The following PARD6G variants were observed in gnomAD, a reference collection of about 807,000 sequenced individuals.
The protein encoded by PARD6G is par-6 family cell polarity regulator gamma.
A neutral mutation model predicts 10.7 loss-of-function variants in PARD6G; 7 were observed. The observed-to-expected ratio is 0.66, with a 90% CI of 0.37 to 1.23. The LOEUF is 1.23. Among genes scored for constraint, PARD6G ranks in the 50% most tolerant of loss-of-function variants. PARD6G has a pLI of 0.02. For missense variants in PARD6G, 548 were observed against 571.8 expected (o/e 0.96, Z 0.42); for synonymous variants, 287 against 269.4 (o/e 1.07, Z -0.64).
chr18:80,209,437 C>T (rs181610599), intron 1 of PARD6G, among the ~76,000 whole-genome samples: 172 of 152,134 alleles, frequency 1.1e-3, no homozygotes, highest in Middle Eastern at 3.4e-3. Context: ...TAGTAAAAAA[C>T]GGGGTTGGGG....
chr18:80,223,250 GA>G (rs145765235), intron 1 of PARD6G, among the ~76,000 whole-genome samples: 3,907 of 151,480 alleles, frequency 0.026, 161 homozygotes, highest in African/African-American at 0.09. Flanking sequence ...AACCACAAAA[GA>G]AAAAAAAGAT....
rs1483270754 is a variant in PARD6G, at chr18:80,228,940, G to C, written c.72+18337C>G. On this transcript the variant is annotated intron_variant, in intron 1 of 2. Coordinates refer to ENST00000353265, the MANE Select transcript of PARD6G (RefSeq NM_032510.4). The surrounding 1 kb of genome is among the most constrained non-coding windows in gnomAD (Gnocchi z 4.6). The stretch of plus-strand genomic sequence containing the variant: ...GATATGATGAAGCTAACAGAAGTGG[G>C]ACTTATTTTATTTTAGAAGACGGAG... Among the ~76,000 whole-genome samples, 1 of 152,142 alleles carries C rather than the reference G, an allele frequency of 6.6e-6. No individual in the cohort carries two copies. The highest frequency in any genetic ancestry group is 6.5e-5 in the Admixed American group (1 of 15,270).
At chr18:80,229,383 A>G (rs534519785) in intron 1 of PARD6G, among the ~76,000 whole-genome samples, 2 of 152,392 alleles carry the variant, frequency 1.3e-5, no homozygotes, top group East Asian at 3.9e-4. Flanking sequence ...AACAGAGCAG[A>G]TGGGCAAGGC....
chr18:80,221,572 A>G (rs1967229972), intron 1 of PARD6G, among the ~76,000 whole-genome samples: 1 of 152,230 alleles, frequency 6.6e-6, no homozygotes. Flanking sequence ...CATAGAGAAT[A>G]TCTATGAAAA....
chr18:80,159,664 G>A lies in PARD6G; in HGVS notation c.*107C>T, dbSNP rs545986880. 4 of 1,307,006 alleles carry A rather than the reference G, an allele frequency of 3.1e-6. No individual in the cohort carries two copies. The African/African-American group carries it at 6.2e-5, about 20-fold the overall frequency. 81.0% of individuals were successfully genotyped at this position (1,307,006 alleles called of 1,614,324 possible). Reference sequence around the variant, plus strand: ...GGAAGTTGAAACAAAGAGCAGCGTTGTTTTTGTGGTCACAAAAACAACAAA... The same window carrying A: ...GGAAGTTGAAACAAAGAGCAGCGTTATTTTTGTGGTCACAAAAACAACAAA... On this transcript the variant is annotated 3_prime_UTR_variant, in exon 3 of 3. Transcript: ENST00000353265.
rs766287912 is a variant in PARD6G, at chr18:80,160,611, G to A, written c.296-5C>T. The A allele has an allele frequency of 3.0e-5, 43 of 1,440,562 alleles. No homozygotes were observed. The Middle Eastern group carries it at 1.6e-3, about 55-fold the overall frequency. The allele number at this position is 1,440,562 out of a possible 1,614,324, so 89.2% of individuals were successfully genotyped here. A position where few individuals can be genotyped will look rare whatever the true frequency, so the allele number is the denominator to read the frequency against. On this transcript the variant is annotated splice_polypyrimidine_tract_variant and splice_region_variant and intron_variant, in intron 2 of 2. Coordinates refer to ENST00000353265, the MANE Select transcript of PARD6G (RefSeq NM_032510.4). ...GGCTGCCACGCTCGGCCTCCTCTGCGGGAGAGGGGACAGTTAGAGGGGACA... is the reference window on the plus strand; with the variant it reads ...GGCTGCCACGCTCGGCCTCCTCTGCAGGAGAGGGGACAGTTAGAGGGGACA...
chr18:80,186,192 TCACA>T (rs1230398748), intron 2 of PARD6G, among the ~76,000 whole-genome samples: 1 of 118,442 alleles, frequency 8.4e-6, no homozygotes, highest in Non-Finnish European at 1.7e-5. Flanking sequence ...ACATGCACCC[TCACA>T]CACGCATATA....
chr18:80,191,408 G>C (rs1966895544), intron 2 of PARD6G, among the ~76,000 whole-genome samples: 1 of 152,106 alleles, frequency 6.6e-6, no homozygotes, highest in Non-Finnish European at 1.5e-5. Flanking sequence ...TATCAACCTA[G>C]AGGAAAACGC....
Position 80,183,350 on chromosome 18 carries a change from GTCT to G in PARD6G, c.295+19357_295+19359del, listed in dbSNP as rs2052857470. Among the ~76,000 whole-genome samples the G allele has an allele frequency of 1.3e-5, 2 of 152,142 alleles. No individual in the cohort carries two copies. Among genetic ancestry groups the G allele is most frequent in the African/African-American group, 4.8e-5 (2 of 41,428 alleles). ...GAAAGACAAAAAACCACCAGCATCC[GTCT>G]TCTTCCTTTCCAGCCAGACAACTCT... is the stretch of plus-strand genomic sequence containing the variant. On this transcript the variant is annotated intron_variant, in intron 2 of 2. Transcript: ENST00000353265. The surrounding 1 kb of genome is among the most constrained non-coding windows in gnomAD (Gnocchi z 4.5).
intron 1 of PARD6G, among the ~76,000 whole-genome samples, chr18:80,225,162 C>T (rs531724593): frequency 2.6e-5 from 4 of 152,296 alleles, no homozygotes; most frequent in East Asian, 3.9e-4. Flanking sequence ...AGTCTACGCA[C>T]GAAGCAGCCA....
chr18:80,194,279 G>C (rs1411365111), intron 2 of PARD6G, among the ~76,000 whole-genome samples: 2 of 152,172 alleles, frequency 1.3e-5, no homozygotes, highest in African/African-American at 2.4e-5. Flanking sequence ...ATTAGTGTGA[G>C]GTGCGTGCCT....
chr18:80,189,188 G>C lies in PARD6G; in HGVS notation c.295+13522C>G, dbSNP rs1341127858. On this transcript the variant is annotated intron_variant, in intron 2 of 2. Coordinates refer to ENST00000353265, the MANE Select transcript of PARD6G (RefSeq NM_032510.4). This position sits in a 1 kb window ranked among gnomAD's most constrained non-coding sequence, Gnocchi z 5.5. ...CCGTTGGCAGAAAAGCCCATATTTA[G>C]AGCAGACCTCCTTCAGCAATTCCCA... 1 of 152,288 alleles carries C rather than the reference G, an allele frequency of 6.6e-6. No individual in the cohort carries two copies. The highest frequency in any genetic ancestry group is 2.4e-5 in the African/African-American group (1 of 41,460). 9.4% of individuals were successfully genotyped at this position (152,288 alleles called of 1,614,324 possible).
In PARD6G at chr18:80,200,031, A is replaced by C. The variant is rs562425464; in HGVS notation, c.295+2679T>G. ...TGCTGACTTTTCCTCTGTGATAGTA[A>C]ATTCCCTCTTAACATATATTTAAAT... On this transcript the variant is annotated intron_variant, in intron 2 of 2. Coordinates refer to ENST00000353265, the MANE Select transcript of PARD6G (RefSeq NM_032510.4). The surrounding 1 kb of genome is among the most constrained non-coding windows in gnomAD (Gnocchi z 4.4). 6.6e-6 allele frequency among the ~76,000 whole-genome samples: 1 copy of C among 152,312 alleles called. No individual in the cohort carries two copies. The highest frequency in any genetic ancestry group is 6.5e-5 in the Admixed American group (1 of 15,304).
In PARD6G at chr18:80,189,982, T is replaced by C. The variant is rs889931418; in HGVS notation, c.295+12728A>G. On this transcript the variant is annotated intron_variant, in intron 2 of 2. Transcript: ENST00000353265. This position sits in a 1 kb window ranked among gnomAD's most constrained non-coding sequence, Gnocchi z 5.5. ...TGTGTAACCACCACCACCACCTAAT[T>C]CTGGAACACTTCATCACCCCAAAAA... 9.2e-5 allele frequency among the ~76,000 whole-genome samples: 14 copies of C among 152,156 alleles called. No individual in the cohort carries two copies. The highest frequency in any genetic ancestry group is 8.5e-4 in the Admixed American group (13 of 15,274).
chr18:80,239,743 A>T (rs149866406), intron 1 of PARD6G, among the ~76,000 whole-genome samples: 1 of 152,374 alleles, frequency 6.6e-6, no homozygotes, highest in African/African-American at 2.4e-5. Flanking sequence ...CTACAGCACT[A>T]GTGCCACTTA....
chr18:80,164,666 G>A (rs775620523), intron 2 of PARD6G, among the ~76,000 whole-genome samples: 62 of 152,212 alleles, frequency 4.1e-4, no homozygotes, highest in Admixed American at 1.6e-3. Flanking sequence ...ATATTTCAAC[G>A]TAGGTTCTAT....
intron 1 of PARD6G, among the ~76,000 whole-genome samples, chr18:80,244,329 G>C (rs1187392348): frequency 1.3e-5 from 2 of 152,112 alleles, no homozygotes; most frequent in Admixed American, 1.3e-4. Flanking sequence ...AGGAACAGAT[G>C]AATCACTGGA....
rs867498091 is a variant in PARD6G, at chr18:80,211,347, C to G, written c.73-8415G>C. Among the ~76,000 whole-genome samples the G allele has an allele frequency of 2.1e-4, 32 of 152,284 alleles. 1 individual carries two copies. The Middle Eastern group carries it at 0.014, about 65-fold the overall frequency. On this transcript the variant is annotated intron_variant, in intron 1 of 2. Transcript: ENST00000353265. ...GGGGCAAACAGGAATTGGACAAACA[C>G]ATTTAAAAGACAATGCTGGGACGCA...
chr18:80,183,855 T>C lies in PARD6G; in HGVS notation c.295+18855A>G, dbSNP rs1370572075. The C allele has an allele frequency of 6.6e-6, 1 of 152,328 alleles. No homozygotes were observed. Among genetic ancestry groups the C allele is most frequent in the African/African-American group, 2.4e-5 (1 of 41,466 alleles). 9.4% of individuals were successfully genotyped at this position (152,328 alleles called of 1,614,324 possible). A position where few individuals can be genotyped will look rare whatever the true frequency, so the allele number is the denominator to read the frequency against. ...AAGTCAGAAGTCAATTGGATGTCTC[T>C]GTCTGAGCTGAGAGCACATGACATA... On this transcript the variant is annotated intron_variant, in intron 2 of 2. Transcript: ENST00000353265. This position sits in a 1 kb window ranked among gnomAD's most constrained non-coding sequence, Gnocchi z 4.5.
Sources: gnomAD v4.1 joint callset for allele counts (sites outside exome capture counted in the v4.1 genomes callset) on GRCh38, gnomAD v4.1.1 for gene constraint, Gnocchi (gnomAD v3.1) non-coding constraint, MANE v1.5 for transcripts, NCBI Gene and HGNC (gene_info 2026-07-23, HGNC 2026-07-21) for gene names.